The following GPC5 variants were observed in gnomAD, a reference collection of about 807,000 sequenced individuals.
GPC5 encodes the protein glypican 5.
GPC5 carries 47 observed loss-of-function variants against 53.9 expected under a neutral mutation model. That is an observed-to-expected ratio of 0.87 (90% CI 0.69 to 1.11). The LOEUF (loss-of-function observed/expected upper bound fraction) is 1.11. Among genes scored for constraint, GPC5 ranks in the 50% most tolerant of loss-of-function variants. The pLI, the probability that GPC5 is intolerant of heterozygous loss-of-function variation, is 0.00. For synonymous variants in GPC5, 286 were observed against 263.3 expected, an observed-to-expected ratio of 1.09 and a Z score of -0.84; for missense variants, 748 against 713.1, an observed-to-expected ratio of 1.05 and a Z score of -0.56.
In GPC5 at chr13:92,110,807, C is replaced by A. The variant is rs534027520; in HGVS notation, c.1402-34023C>A. The stretch of plus-strand genomic sequence containing the variant: ...TATCCAAATAAGGAGAGGAAAGTTT[C>A]TGAGGCTGCTGATAACCTTTTGCTG... On this transcript the variant is annotated intron_variant, in intron 6 of 7. Transcript: ENST00000377067. Among the ~76,000 whole-genome samples the A allele has an allele frequency of 1.1e-4, 16 of 152,292 alleles. No homozygotes were observed. The South Asian group carries it at 3.3e-3, about 32-fold the overall frequency.
chr13:91,552,364 C>T (rs147490948), intron 2 of GPC5, among the ~76,000 whole-genome samples: 170 of 151,898 alleles, frequency 1.1e-3, no homozygotes, highest in African/African-American at 4.0e-3. Flanking sequence ...AAGGAATTGC[C>T]GAGACCAGCT....
chr13:92,845,395 G>A (rs559486810), intron 7 of GPC5, among the ~76,000 whole-genome samples: 1 of 152,190 alleles, frequency 6.6e-6, no homozygotes, highest in East Asian at 1.9e-4. Flanking sequence ...CTGAGAACTA[G>A]GAGAATCTAC....
At chr13:91,611,197 C>T (rs561911558) in intron 2 of GPC5, among the ~76,000 whole-genome samples, 35 of 152,150 alleles carry the variant, frequency 2.3e-4, no homozygotes, top group Admixed American at 1.5e-3. Flanking sequence ...GTAGATTAGA[C>T]GATTCAACAA....
chr13:92,172,432 A>T (rs2139023510), intron 7 of GPC5, among the ~76,000 whole-genome samples: 1 of 152,298 alleles, frequency 6.6e-6, no homozygotes, highest in African/African-American at 2.4e-5. Flanking sequence ...AGCAAATGAA[A>T]CATAACCTTT....
intron 7 of GPC5, among the ~76,000 whole-genome samples, chr13:92,646,237 T>G (rs980148387): frequency 6.6e-6 from 1 of 152,148 alleles, no homozygotes; most frequent in Non-Finnish European, 1.5e-5. Flanking sequence ...TCATCTTTTT[T>G]CATATGATCA....
intron 6 of GPC5, among the ~76,000 whole-genome samples, chr13:92,019,664 G>T (rs2138788409): frequency 6.6e-6 from 1 of 152,098 alleles, no homozygotes; most frequent in African/African-American, 2.4e-5. Flanking sequence ...CATGTTTCTG[G>T]CCAATAAAAT....
rs556065664 is a variant in GPC5, at chr13:91,502,555, G to A, written c.325+53633G>A. ...ACAGTTGAATTTTCCAACCTGGCAG[G>A]GCAGGGTTAGAAAATCAGAATGGAA... On this transcript the variant is annotated intron_variant, in intron 2 of 7. Transcript: ENST00000377067. Among the ~76,000 whole-genome samples the A allele has an allele frequency of 4.6e-5, 7 of 152,190 alleles. No individual in the cohort carries two copies. In the South Asian group the frequency reaches 1.5e-3, roughly 32 times the overall value.
At chr13:92,285,941 C>A (rs565938568) in intron 7 of GPC5, among the ~76,000 whole-genome samples, 1 of 152,134 alleles carries the variant, frequency 6.6e-6, no homozygotes, top group Non-Finnish European at 1.5e-5. Flanking sequence ...AACCTACCAT[C>A]AGAGTGAACA....
chr13:92,381,448 C>T (rs1485764144), intron 7 of GPC5, among the ~76,000 whole-genome samples: 2 of 152,110 alleles, frequency 1.3e-5, no homozygotes, highest in African/African-American at 2.4e-5. Context: ...AACCACAATG[C>T]AATACCACCT....
At chr13:91,642,117 T>TA (rs1446000687) in intron 2 of GPC5, among the ~76,000 whole-genome samples, 1 of 151,946 alleles carries the variant, frequency 6.6e-6, no homozygotes, top group Non-Finnish European at 1.5e-5. Context: ...AGATATTTGG[T>TA]AAAAAATTTA....
intron 7 of GPC5, among the ~76,000 whole-genome samples, chr13:92,319,148 T>G (rs542989473): frequency 1.3e-5 from 2 of 152,148 alleles, no homozygotes; most frequent in East Asian, 3.9e-4. Context: ...CAGGTTGCTT[T>G]GAGTCAGAAA....
intron 5 of GPC5, among the ~76,000 whole-genome samples, chr13:91,882,976 A>T (rs1271980408): frequency 6.6e-6 from 1 of 152,112 alleles, no homozygotes; most frequent in Non-Finnish European, 1.5e-5. Flanking sequence ...CAAATTTAAT[A>T]AGGTAAAACA....
rs537625690 is a variant in GPC5, at chr13:91,403,760, C to G, written c.163+4551C>G. Among the ~76,000 whole-genome samples the G allele has an allele frequency of 3.9e-5, 6 of 152,236 alleles. No homozygotes were observed. In the South Asian group the frequency reaches 1.2e-3, roughly 32 times the overall value. On this transcript the variant is annotated intron_variant, in intron 1 of 7. Coordinates refer to ENST00000377067, the MANE Select transcript of GPC5 (RefSeq NM_004466.6). ...ATCACGTGTTTCATTTTTCTCTAGGCCTTTAGTGCATCTTAATGGTGGAGA... is the reference window on the plus strand; with the variant it reads ...ATCACGTGTTTCATTTTTCTCTAGGGCTTTAGTGCATCTTAATGGTGGAGA...
chr13:92,545,448 C>T (rs1207577180), intron 7 of GPC5, among the ~76,000 whole-genome samples: 2 of 152,182 alleles, frequency 1.3e-5, no homozygotes, highest in Non-Finnish European at 2.9e-5. Flanking sequence ...AATGGGATGG[C>T]TGGGTCAAAT....
chr13:91,429,069 A>C (rs1879252378), intron 1 of GPC5, among the ~76,000 whole-genome samples: 2 of 152,018 alleles, frequency 1.3e-5, no homozygotes, highest in Non-Finnish European at 2.9e-5. Flanking sequence ...ACAGGCATCC[A>C]CCACTGAACC....
At chr13:92,601,156 C>T (rs139109342) in intron 7 of GPC5, among the ~76,000 whole-genome samples, 25 of 152,216 alleles carry the variant, frequency 1.6e-4, no homozygotes, top group African/African-American at 5.8e-4. Context: ...AAATTTCCAA[C>T]ATGTCTTGAA....
chr13:92,602,059 G>A (rs1884076063), intron 7 of GPC5, among the ~76,000 whole-genome samples: 2 of 149,242 alleles, frequency 1.3e-5, no homozygotes, highest in Non-Finnish European at 3.0e-5. Context: ...ATAATTGTTG[G>A]CTTGCATTTA....
intron 7 of GPC5, among the ~76,000 whole-genome samples, chr13:92,456,227 C>G (rs1199929428): frequency 6.6e-6 from 1 of 152,124 alleles, no homozygotes; most frequent in Non-Finnish European, 1.5e-5. Flanking sequence ...ATTCTTAACA[C>G]TAAGGAACAT....
chr13:92,071,369 T>A (rs1005103823), intron 6 of GPC5, among the ~76,000 whole-genome samples: 1 of 152,226 alleles, frequency 6.6e-6, no homozygotes, highest in African/African-American at 2.4e-5. Context: ...TTTGAATACA[T>A]TCTTCAAGTT....
Sources: allele counts gnomAD v4.1 joint callset (sites outside exome capture counted in the v4.1 genomes callset), GRCh38; gene constraint gnomAD v4.1.1; transcripts MANE v1.5; gene names NCBI Gene and HGNC (gene_info 2026-07-23, HGNC 2026-07-21).